The following SFT2D2 variants were observed in gnomAD, a reference collection of about 807,000 sequenced individuals.
SFT2D2 encodes the protein vesicle transport protein SFT2B.
In SFT2D2, 21 loss-of-function variants were observed where a neutral mutation model predicts 27.4. The ratio of observed to expected loss-of-function variants is 0.77; its 90% CI spans 0.54 to 1.10. The LOEUF is 1.10. Among genes scored for constraint, SFT2D2 ranks in the 50% least tolerant of loss-of-function variants. SFT2D2 has a pLI of 0.00. For synonymous variants in SFT2D2, 72 were observed against 71.7 expected, an observed-to-expected ratio of 1.00 and a Z score of -0.02; for missense variants, 187 against 194.2, an observed-to-expected ratio of 0.96 and a Z score of 0.22.
Position 168,248,834 on chromosome 1 carries a change from G to A in SFT2D2, c.*6294G>A, listed in dbSNP as rs1647886537. ...AGTCTTGGGAGGGTGTATATGTCCA[G>A]GAATTTATCCATTTCTTCTAGATTT... On this transcript the variant is annotated 3_prime_UTR_variant, in exon 8 of 8. Transcript: ENST00000271375. 1 of 152,008 alleles carries A rather than the reference G, an allele frequency of 6.6e-6. No homozygotes were observed. The highest frequency in any genetic ancestry group is 1.5e-5 in the Non-Finnish European group (1 of 68,026). The allele number at this position is 152,008 out of a possible 1,614,324, so 9.4% of individuals were successfully genotyped here.
Position 168,252,341 on chromosome 1 carries a change from G to A in SFT2D2, c.*9801G>A, listed in dbSNP as rs1647969598. 1 of 152,130 alleles carries A rather than the reference G, an allele frequency of 6.6e-6. No individual in the cohort carries two copies. Among genetic ancestry groups the A allele is most frequent in the Admixed American group, 6.6e-5 (1 of 15,266 alleles). The allele number at this position is 152,130 out of a possible 1,614,324, so 9.4% of individuals were successfully genotyped here. On this transcript the variant is annotated 3_prime_UTR_variant, in exon 8 of 8. Coordinates refer to ENST00000271375, the MANE Select transcript of SFT2D2 (RefSeq NM_199344.3). Reference sequence around the variant, plus strand: ...CCCGATATAAATGGACTAGCTACCTGGACATAATATCCTTGTGAGGCATCC... The same window carrying A: ...CCCGATATAAATGGACTAGCTACCTAGACATAATATCCTTGTGAGGCATCC...
At chr1:168,241,441 C>T (rs1647642237) in intron 7 of SFT2D2, among the ~76,000 whole-genome samples, 1 of 151,874 alleles carries the variant, frequency 6.6e-6, no homozygotes. Flanking sequence ...GATTGGCCCA[C>T]CTCGGCCTCC....
intron 3 of SFT2D2, among the ~76,000 whole-genome samples, chr1:168,232,911 T>C (rs1346664853): frequency 6.6e-6 from 1 of 152,212 alleles, no homozygotes; most frequent in African/African-American, 2.4e-5. Flanking sequence ...TGGCCTGTTA[T>C]CACCCTTACC....
chr1:168,250,788 A>G lies in SFT2D2; in HGVS notation c.*8248A>G, dbSNP rs1289077837. ...GGAGCCTTCAGTTCTGCTCCTCTGC[A>G]TAGCCGTAGCTCAGATCCTAGCTCA... On this transcript the variant is annotated 3_prime_UTR_variant, in exon 8 of 8. Transcript: ENST00000271375. 1 of 152,222 alleles carries G rather than the reference A, an allele frequency of 6.6e-6. No homozygotes were observed. 9.4% of individuals were successfully genotyped at this position (152,222 alleles called of 1,614,324 possible). A position where few individuals can be genotyped will look rare whatever the true frequency, so the allele number is the denominator to read the frequency against.
intron 7 of SFT2D2, among the ~76,000 whole-genome samples, chr1:168,241,436 G>T (rs1323262056): frequency 3.3e-5 from 5 of 151,666 alleles, no homozygotes; most frequent in African/African-American, 1.2e-4. Flanking sequence ...CAAGTGATTG[G>T]CCCACCTCGG....
At chr1:168,232,120 A>C (rs1420073903) in intron 3 of SFT2D2, among the ~76,000 whole-genome samples, 1 of 152,118 alleles carries the variant, frequency 6.6e-6, no homozygotes, top group Middle Eastern at 3.2e-3. Flanking sequence ...AAAGCAGCAA[A>C]TGTTTTGCCA....
rs1291830372 is a variant in SFT2D2, at chr1:168,251,329, A to T, written c.*8789A>T. 3 of 152,150 alleles carry T rather than the reference A, an allele frequency of 2.0e-5. 1 individual carries two copies. Among genetic ancestry groups the T allele is most frequent in the South Asian group, 4.1e-4 (2 of 4,834 alleles). 9.4% of individuals were successfully genotyped at this position (152,150 alleles called of 1,614,324 possible). A position where few individuals can be genotyped will look rare whatever the true frequency, so the allele number is the denominator to read the frequency against. ...GACTCTGTCTCAAAAATAAATAAAA[A>T]AAAAAATCACTTTTTGATACTTCTG... On this transcript the variant is annotated 3_prime_UTR_variant, in exon 8 of 8. Transcript: ENST00000271375.
chr1:168,234,248 G>A (rs1363747933), intron 3 of SFT2D2, among the ~76,000 whole-genome samples: 1 of 152,158 alleles, frequency 6.6e-6, no homozygotes, highest in Non-Finnish European at 1.5e-5. Flanking sequence ...ACAAAAATTA[G>A]CTGGGTGTGG....
At chr1:168,230,648 T>C (rs527409216) in intron 1 of SFT2D2, among the ~76,000 whole-genome samples, 6 of 152,298 alleles carry the variant, frequency 3.9e-5, no homozygotes, top group African/African-American at 1.4e-4. Flanking sequence ...TAATTTTTTG[T>C]ATTTTTAGTA....
rs1177229457 is a variant in SFT2D2, at chr1:168,246,160, A to G, written c.*3620A>G. ...CATATTGACATTGTTTTTCTTTCAA[A>G]TGATTAACTTTATTGATCATCCTCT... On this transcript the variant is annotated 3_prime_UTR_variant, in exon 8 of 8. Coordinates refer to ENST00000271375, the MANE Select transcript of SFT2D2 (RefSeq NM_199344.3). The G allele has an allele frequency of 4.1e-6, 1 of 242,742 alleles. No individual in the cohort carries two copies. The highest frequency in any genetic ancestry group is 2.4e-5 in the African/African-American group (1 of 42,296). The allele number at this position is 242,742 out of a possible 1,614,324, so 15.0% of individuals were successfully genotyped here. A position where few individuals can be genotyped will look rare whatever the true frequency, so the allele number is the denominator to read the frequency against.
intron 1 of SFT2D2, 42 bp from the exon 2 acceptor site, chr1:168,231,472 G>A (rs766069510): frequency 6.6e-7 from 1 of 1,513,526 alleles, no homozygotes; most frequent in Non-Finnish European, 9.1e-7. Context: ...TTTGTTTTTA[G>A]TAAATGTGTG....
intron 6 of SFT2D2, among the ~76,000 whole-genome samples, chr1:168,237,430 A>T (rs1647533486): frequency 6.6e-6 from 1 of 152,160 alleles, no homozygotes; most frequent in Non-Finnish European, 1.5e-5. Context: ...CTGTAGGTTC[A>T]TGGTCCTTTC....
rs1312430025 is a variant in SFT2D2 at position 168,235,134 on chromosome 1, G to A, written c.270G>A (p.Leu90=). ...TCCTCATGGGACCAGTGAAACAGCTGAAGCGAATGTTTGAGCCTACTCGTT... is the reference window on the plus strand; with the variant it reads ...TCCTCATGGGACCAGTGAAACAGCTAAAGCGAATGTTTGAGCCTACTCGTT... ...TIFLMGPVKQ[L]KRMFEPTRLI... is the part of the protein sequence containing the mutation. The change falls in exon 4 of 8, where the codon CTG becomes CTA. Residue 90 remains leucine (L), a synonymous_variant. Coordinates refer to ENST00000271375, the MANE Select transcript of SFT2D2 (RefSeq NM_199344.3). The A allele has an allele frequency of 6.2e-7, 1 of 1,614,206 alleles. No homozygotes were observed. The highest frequency in any genetic ancestry group is 1.7e-5 in the Admixed American group (1 of 60,024).
intron 3 of SFT2D2, 109 bp from the exon 4 acceptor site, chr1:168,234,992 G>A: frequency 1.0e-6 from 1 of 960,508 alleles, no homozygotes; most frequent in East Asian, 2.4e-5. Flanking sequence ...CAGAATGAGA[G>A]CTTTTCAAAT....
Position 168,247,304 on chromosome 1 carries a change from T to C in SFT2D2, c.*4764T>C. ...TGCGGGTTTGTTACATAGGTATACA[T>C]GTAATGTTATCCCTCCCCTAGCCCC... On this transcript the variant is annotated 3_prime_UTR_variant, in exon 8 of 8. Transcript: ENST00000271375. The C allele has an allele frequency of 4.7e-6, 1 of 211,474 alleles. No individual in the cohort carries two copies. Among genetic ancestry groups the C allele is most frequent in the East Asian group, 1.5e-4 (1 of 6,680 alleles). 13.1% of individuals were successfully genotyped at this position (211,474 alleles called of 1,614,324 possible). A position where few individuals can be genotyped will look rare whatever the true frequency, so the allele number is the denominator to read the frequency against.
intron 3 of SFT2D2, among the ~76,000 whole-genome samples, chr1:168,233,079 C>G (rs558240614): frequency 6.6e-6 from 1 of 152,308 alleles, no homozygotes; most frequent in Admixed American, 6.5e-5. Flanking sequence ...TTCCTCAGCA[C>G]GCATACAGTC....
rs1647771409 is a variant in SFT2D2 at position 168,244,998 on chromosome 1, A to C, written c.*2458A>C. On this transcript the variant is annotated 3_prime_UTR_variant, in exon 8 of 8. Transcript: ENST00000271375. ...ATCCTATGTAATGATGAAAGGCTGA[A>C]TGTTTTCCCCTAAGATTGAGAATAA... is the stretch of plus-strand genomic sequence containing the variant. The C allele has an allele frequency of 6.6e-6, 1 of 152,232 alleles. No homozygotes were observed. The highest frequency in any genetic ancestry group is 2.1e-4 in the South Asian group (1 of 4,824). The allele number at this position is 152,232 out of a possible 1,614,324, so 9.4% of individuals were successfully genotyped here.
chr1:168,237,713 T>C (rs1647539120), intron 6 of SFT2D2, among the ~76,000 whole-genome samples: 1 of 152,224 alleles, frequency 6.6e-6, no homozygotes, highest in Admixed American at 6.5e-5. Context: ...TCCCTCCCTT[T>C]AGCAATTTTG....
At chr1:168,232,727 G>A (rs1054961463) in intron 3 of SFT2D2, among the ~76,000 whole-genome samples, 1 of 152,180 alleles carries the variant, frequency 6.6e-6, no homozygotes, top group Non-Finnish European at 1.5e-5. Context: ...ATCACACTCT[G>A]TGCTGGGCTC....
Sources: gnomAD v4.1 joint callset for allele counts (sites outside exome capture counted in the v4.1 genomes callset) on GRCh38, gnomAD v4.1.1 for gene constraint, MANE v1.5 for transcripts, NCBI Gene and HGNC (gene_info 2026-07-23, HGNC 2026-07-21) for gene names.